Variants in UMODL1 observed in about 807,000 individuals in gnomAD.
UMODL1 encodes the protein uromodulin like 1, also known as uromodulin-like 1.
UMODL1 carries 128 observed loss-of-function variants against 136.3 expected under a neutral mutation model. The ratio of observed to expected loss-of-function variants is 0.94; its 90% CI spans 0.81 to 1.09. UMODL1 has a LOEUF of 1.09. Among genes scored for constraint, UMODL1 ranks in the 50% least tolerant of loss-of-function variants. The pLI is 0.00. For missense variants in UMODL1, 1,766 were observed against 1,725.6 expected (o/e 1.02, Z -0.41); for synonymous variants, 721 against 720.0 (o/e 1.00, Z -0.02).
intron 22 of UMODL1, among the ~76,000 whole-genome samples, chr21:42,140,388 T>TAG (rs202091174): frequency 9.3e-3 from 1,050 of 112,518 alleles, no homozygotes; most frequent in East Asian, 0.021. Context: ...CAGGAAGGGA[T>TAG]GTGTCCCAGG....
chr21:42,101,583 T>C (rs1423861764), intron 7 of UMODL1: 2 of 387,468 alleles, frequency 5.2e-6, no homozygotes, highest in Non-Finnish European at 1.0e-5. Context: ...ATGCTGGGTT[T>C]CCTTTCAGTA....
chr21:42,138,055 G>A (rs1767001316), intron 22 of UMODL1, among the ~76,000 whole-genome samples: 1 of 152,112 alleles, frequency 6.6e-6, no homozygotes. Flanking sequence ...CAGCGGCAGT[G>A]CTATATGGGT....
In UMODL1 at chr21:42,084,066, T is replaced by A; in HGVS notation, c.320-18T>A. 6.2e-7 allele frequency: 1 copy of A among 1,608,914 alleles called. No individual in the cohort carries two copies. Among genetic ancestry groups the A allele is most frequent in the Non-Finnish European group, 8.5e-7 (1 of 1,176,612 alleles). On this transcript the variant is annotated intron_variant, in intron 2 of 22. Transcript: ENST00000408910. ...GTCTTTTATCGCCAGTATCATTAAT[T>A]GTATCATTTTCTCCCAGCCCTGAAT...
chr21:42,121,152 G>C lies in UMODL1; in HGVS notation c.2755G>C (p.Gly919Arg). 2 of 1,614,096 alleles carry C rather than the reference G, an allele frequency of 1.2e-6. No homozygotes were observed. The highest frequency in any genetic ancestry group is 1.3e-5 in the African/African-American group (1 of 75,040). The change falls in exon 16 of 23, where the codon GGG becomes CGG. Residue 919 changes from glycine (G) to arginine (R), a missense_variant. By Grantham distance (125) the Gly-to-Arg change is moderately radical. Coordinates refer to ENST00000408910, the MANE Select transcript of UMODL1 (RefSeq NM_001004416.3). ...GGGGACATCCTGTCGAAACACCCTC[G>C]GGTCTTTCACTTGTAGCTGCGAGGG... ...VPGTSCRNTL[G>R]SFTCSCEGGA... is the part of the protein sequence containing the mutation.
intron 11 of UMODL1, 175 bp from the exon 12 acceptor site, chr21:42,111,331 C>A (rs1490545022): frequency 1.2e-6 from 2 of 1,604,690 alleles, no homozygotes; most frequent in Middle Eastern, 1.8e-4. Flanking sequence ...AGGGGAGCCC[C>A]AGCCAGGGGA....
chr21:42,094,597 G>C (rs2066531529), intron 6 of UMODL1, among the ~76,000 whole-genome samples: 2 of 152,186 alleles, frequency 1.3e-5, no homozygotes, highest in Non-Finnish European at 2.9e-5. Context: ...CCATTTAAGG[G>C]TAACCAAAGG....
intron 16 of UMODL1, among the ~76,000 whole-genome samples, chr21:42,121,452 T>C (rs1007442498): frequency 2.0e-5 from 3 of 152,178 alleles, no homozygotes; most frequent in African/African-American, 2.4e-5. Flanking sequence ...GTGTCCAGGC[T>C]TCTGGGCAGT....
chr21:42,090,542 A>G (rs899372098), intron 6 of UMODL1, 104 bp downstream of exon 6: 1 of 1,401,256 alleles, frequency 7.1e-7, no homozygotes, highest in African/African-American at 1.4e-5. Flanking sequence ...ACCCCGAGAT[A>G]ACTCTGCCAT....
rs759890870 is a variant in UMODL1 at position 42,088,375 on chromosome 21, C to T, written c.685C>T (p.Arg229Trp). 1.1e-5 allele frequency: 17 copies of T among 1,613,808 alleles called. No homozygotes were observed. The highest frequency in any genetic ancestry group is 3.3e-4 in the Middle Eastern group (2 of 6,082). Reference protein sequence around the residue: ...APGNASTTVSRLLLGLPRPLP... With the variant: ...APGNASTTVSWLLLGLPRPLP... ...TGGGAACGCCTCCACCACAGTGTCG[C>T]GGCTGCTACTGGGCCTGCCACGGCC... The change falls in exon 5 of 23, where the codon CGG (arginine) becomes TGG (tryptophan). Residue 229 changes from arginine to tryptophan, a missense_variant. Physicochemically the swap from Arg to Trp is moderately radical, Grantham distance 101. Coordinates refer to ENST00000408910, the MANE Select transcript of UMODL1 (RefSeq NM_001004416.3).
chr21:42,113,632 G>A lies in UMODL1; in HGVS notation c.2164G>A (p.Ala722Thr). 1.2e-6 allele frequency: 2 copies of A among 1,614,080 alleles called. No homozygotes were observed. Among genetic ancestry groups the A allele is most frequent in the Non-Finnish European group, 1.7e-6 (2 of 1,180,024 alleles). The change falls in exon 13 of 23, where the codon GCA becomes ACA. Residue 722 changes from alanine to threonine, a missense_variant. Coordinates refer to ENST00000408910, the MANE Select transcript of UMODL1 (RefSeq NM_001004416.3). ...SNVTSTGFHL[A>T]WEADLAMDST... ...TGTGACCAGCACCGGCTTCCACCTG[G>A]CATGGGAGGCGGATCTTGCTATGGA...
At chr21:42,113,993 G>C (rs947974140) in intron 13 of UMODL1, among the ~76,000 whole-genome samples, 163 bp downstream of exon 13, 1 of 152,230 alleles carries the variant, frequency 6.6e-6, no homozygotes, top group African/African-American at 2.4e-5. Flanking sequence ...GTGCAATGAC[G>C]GCCAGACAGG....
At chr21:42,118,247 C>T (rs2066924252) in intron 14 of UMODL1, among the ~76,000 whole-genome samples, 1 of 152,250 alleles carries the variant, frequency 6.6e-6, no homozygotes, top group Admixed American at 6.5e-5. Flanking sequence ...CAGTCATCTA[C>T]TGAGCCAACC....
chr21:42,098,722 G>T (rs1364257420), intron 6 of UMODL1, among the ~76,000 whole-genome samples: 1 of 152,110 alleles, frequency 6.6e-6, no homozygotes, highest in African/African-American at 2.4e-5. Context: ...AGCCGAGATC[G>T]CACCACTGCA....
intron 2 of UMODL1, among the ~76,000 whole-genome samples, chr21:42,079,725 G>A (rs2066337814): frequency 6.6e-6 from 1 of 152,220 alleles, no homozygotes; most frequent in Admixed American, 6.5e-5. Context: ...TCTGCATGTG[G>A]GGATCCAGGC....
At position 42,113,639 on chromosome 21, in the gene UMODL1, A is replaced by G; in HGVS notation, c.2171A>G (p.Glu724Gly). 6.2e-7 allele frequency: 1 copy of G among 1,614,058 alleles called. No homozygotes were observed. Among genetic ancestry groups the G allele is most frequent in the Non-Finnish European group, 8.5e-7 (1 of 1,180,020 alleles). ...AGCACCGGCTTCCACCTGGCATGGGAGGCGGATCTTGCTATGGACTCCACC... is the reference window on the plus strand; with the variant it reads ...AGCACCGGCTTCCACCTGGCATGGGGGGCGGATCTTGCTATGGACTCCACC... ...VTSTGFHLAW[E>G]ADLAMDSTFQ... is the part of the protein sequence containing the mutation. Residue 724 changes from glutamate to glycine, a missense_variant, in exon 13 of 23, where the codon GAG becomes GGG. Glu to Gly is a moderately conservative substitution (Grantham distance 98, BLOSUM62 -2). Transcript: ENST00000408910.
intron 9 of UMODL1, chr21:42,108,588 A>G (rs2066758112): frequency 2.9e-6 from 1 of 345,422 alleles, no homozygotes; most frequent in Non-Finnish European, 5.8e-6. Context: ...CTTCTCTGGC[A>G]TGCCGGGTGT....
In UMODL1 at chr21:42,108,388, G is replaced by C. The variant is rs112303791; in HGVS notation, c.1520-1174G>C. The C allele has an allele frequency of 1.4e-4, 72 of 511,364 alleles. 1 individual carries two copies. The highest frequency in any genetic ancestry group is 7.4e-4 in the African/African-American group (38 of 51,572). 31.7% of individuals were successfully genotyped at this position (511,364 alleles called of 1,614,324 possible). On this transcript the variant is annotated intron_variant, in intron 9 of 22. Transcript: ENST00000408910. ...CAAGGCAGCCCCCAGGCCATGCTAG[G>C]GTGGTGGCATAGCTGTTGTGGCAGC...
In UMODL1 at chr21:42,121,173, G is replaced by A. The variant is rs765068807; in HGVS notation, c.2776G>A (p.Glu926Lys). Residue 926 changes from glutamate to lysine, a missense_variant, in exon 16 of 23, where the codon GAG (glutamate) becomes AAG (lysine). Physicochemically the swap from Glu to Lys is moderately conservative, Grantham distance 56. Coordinates refer to ENST00000408910, the MANE Select transcript of UMODL1 (RefSeq NM_001004416.3). ...CCTCGGGTCTTTCACTTGTAGCTGC[G>A]AGGGAGGAGCCCCCGACTTCCCTGT... ...NTLGSFTCSCEGGAPDFPVEY... is the reference protein window; with the variant it reads ...NTLGSFTCSCKGGAPDFPVEY... 3.1e-6 allele frequency: 5 copies of A among 1,614,086 alleles called. No individual in the cohort carries two copies. Among genetic ancestry groups the A allele is most frequent in the Non-Finnish European group, 3.4e-6 (4 of 1,180,004 alleles).
rs946265707 is a variant in UMODL1, at chr21:42,123,610, T to A, written c.3147+460T>A. Among the ~76,000 whole-genome samples, 28 of 151,998 alleles carry A rather than the reference T, an allele frequency of 1.8e-4. No homozygotes were observed. Among genetic ancestry groups the A allele is most frequent in the African/African-American group, 6.3e-4 (26 of 41,358 alleles). ...GTGTGTGCGAATGTGTATGTGTATA[T>A]GCATGGCTGTGCTTATATGTACGTG... On this transcript the variant is annotated intron_variant, in intron 17 of 22. Coordinates refer to ENST00000408910, the MANE Select transcript of UMODL1 (RefSeq NM_001004416.3). This position sits in a 1 kb window ranked among gnomAD's most constrained non-coding sequence, Gnocchi z 4.4.
Sources: allele counts gnomAD v4.1 joint callset (sites outside exome capture counted in the v4.1 genomes callset), GRCh38; gene constraint gnomAD v4.1.1; non-coding constraint Gnocchi (gnomAD v3.1); transcripts MANE v1.5; gene names NCBI Gene and HGNC (gene_info 2026-07-23, HGNC 2026-07-21).